The following NKAIN3 variants were observed in gnomAD, a reference collection of about 807,000 sequenced individuals.
NKAIN3 encodes the protein sodium/potassium transporting ATPase interacting 3, also known as sodium/potassium-transporting ATPase subunit beta-1-interacting protein 3.
A neutral mutation model predicts 30.2 loss-of-function variants in NKAIN3; 25 were observed. The ratio of observed to expected loss-of-function variants is 0.83; its 90% CI spans 0.60 to 1.16. The LOEUF is 1.16. NKAIN3 is among the 50% of genes most tolerant of loss of function. The pLI is 0.00. For synonymous variants in NKAIN3, 91 were observed against 89.6 expected, an observed-to-expected ratio of 1.02 and a Z score of -0.09; for missense variants, 225 against 254.1, an observed-to-expected ratio of 0.89 and a Z score of 0.78.
At chr8:62,961,519 CTG>C (rs1368076587) in intron 6 of NKAIN3, among the ~76,000 whole-genome samples, 1 of 152,068 alleles carries the variant, frequency 6.6e-6, no homozygotes, top group Non-Finnish European at 1.5e-5. Flanking sequence ...GGAAGGGAAA[CTG>C]TTATTGATTT....
At chr8:62,468,748 C>A (rs1367278616) in intron 1 of NKAIN3, among the ~76,000 whole-genome samples, 1 of 151,944 alleles carries the variant, frequency 6.6e-6, no homozygotes, top group African/African-American at 2.4e-5. Context: ...TCCTAATGTT[C>A]TTATAATTTG....
intron 4 of NKAIN3, among the ~76,000 whole-genome samples, chr8:62,867,042 G>A (rs903810508): frequency 1.2e-4 from 17 of 142,242 alleles, no homozygotes; most frequent in African/African-American, 2.9e-4. Flanking sequence ...GCGACAGAGC[G>A]AGACTCCGTC....
At chr8:62,586,499 A>G (rs1810480612) in intron 2 of NKAIN3, among the ~76,000 whole-genome samples, 1 of 152,126 alleles carries the variant, frequency 6.6e-6, no homozygotes, top group Non-Finnish European at 1.5e-5. Flanking sequence ...TTACTCTACT[A>G]AAAAATGTTA....
chr8:62,828,934 C>A (rs1184116314), intron 4 of NKAIN3, among the ~76,000 whole-genome samples: 2 of 152,108 alleles, frequency 1.3e-5, no homozygotes, highest in African/African-American at 2.4e-5. Context: ...AGTCAAACCA[C>A]CCCTGCTGAC....
At chr8:62,701,660 A>C (rs934320460) in intron 3 of NKAIN3, among the ~76,000 whole-genome samples, 8 of 152,218 alleles carry the variant, frequency 5.3e-5, no homozygotes, top group African/African-American at 1.9e-4. Context: ...GTATACAATT[A>C]CCTCAGCTAT....
At chr8:62,322,966 T>A (rs1440234125) in intron 1 of NKAIN3, among the ~76,000 whole-genome samples, 1 of 152,048 alleles carries the variant, frequency 6.6e-6, no homozygotes, top group African/African-American at 2.4e-5. Context: ...ATAATGCAAA[T>A]TAAAACAAAG....
chr8:62,380,224 G>GT (rs1563372562), intron 1 of NKAIN3, among the ~76,000 whole-genome samples: 1 of 152,164 alleles, frequency 6.6e-6, no homozygotes, highest in Non-Finnish European at 1.5e-5. Context: ...TATGAGAAGA[G>GT]TTTTAAATTA....
intron 3 of NKAIN3, among the ~76,000 whole-genome samples, chr8:62,659,637 G>A (rs1431650688): frequency 6.6e-6 from 1 of 152,128 alleles, no homozygotes; most frequent in African/African-American, 2.4e-5. Flanking sequence ...TTGCGTATAT[G>A]CTGCTTTCTG....
At chr8:62,518,367 A>C (rs1808057861) in intron 1 of NKAIN3, among the ~76,000 whole-genome samples, 1 of 152,094 alleles carries the variant, frequency 6.6e-6, no homozygotes, top group Non-Finnish European at 1.5e-5. Context: ...ACAAACAAAC[A>C]AAAAAAGATA....
intron 1 of NKAIN3, among the ~76,000 whole-genome samples, chr8:62,333,505 CAGTGCCCTTACTGGAATCTTGTAAT>C: frequency 6.6e-6 from 1 of 152,180 alleles, no homozygotes; most frequent in Non-Finnish European, 1.5e-5. Context: ...AGAAACACTG[CAGTGCCCTTACTGGAATCTTGTAAT>C]AGTCACATTT....
chr8:62,636,240 G>C (rs925332953), intron 3 of NKAIN3, among the ~76,000 whole-genome samples: 3 of 152,114 alleles, frequency 2.0e-5, no homozygotes, highest in Non-Finnish European at 2.9e-5. Context: ...CTGTGATGCA[G>C]CAATCCACAA....
At chr8:62,697,600 C>T (rs557621360) in intron 3 of NKAIN3, among the ~76,000 whole-genome samples, 1 of 152,108 alleles carries the variant, frequency 6.6e-6, no homozygotes, top group Non-Finnish European at 1.5e-5. Flanking sequence ...TCCCCTCCCC[C>T]CAACATCTAG....
chr8:62,917,249 A>G (rs1272650209), intron 4 of NKAIN3, among the ~76,000 whole-genome samples: 2 of 152,132 alleles, frequency 1.3e-5, no homozygotes, highest in Non-Finnish European at 2.9e-5. Context: ...GACTCTTCCA[A>G]GTGTGAGTTG....
intron 4 of NKAIN3, among the ~76,000 whole-genome samples, chr8:62,774,076 T>G (rs776069452): frequency 2.0e-5 from 3 of 152,224 alleles, no homozygotes; most frequent in Admixed American, 6.5e-5. Flanking sequence ...TGTCTTAAAT[T>G]TTATGCATCA....
chr8:62,655,060 G>T (rs571553387), intron 3 of NKAIN3, among the ~76,000 whole-genome samples: 38 of 152,294 alleles, frequency 2.5e-4, no homozygotes, highest in African/African-American at 8.9e-4. Flanking sequence ...AAATGCAGCT[G>T]TTGGGGATTG....
intron 3 of NKAIN3, among the ~76,000 whole-genome samples, chr8:62,724,672 A>G (rs1346697593): frequency 6.6e-6 from 1 of 152,028 alleles, no homozygotes; most frequent in East Asian, 1.9e-4. Context: ...TAACATAATG[A>G]CTTCCAGTTC....
At chr8:62,545,562 G>A (rs2129911434) in intron 1 of NKAIN3, among the ~76,000 whole-genome samples, 1 of 152,238 alleles carries the variant, frequency 6.6e-6, no homozygotes, top group African/African-American at 2.4e-5. Context: ...GAGCAAGACT[G>A]TCTAAATAAA....
At chr8:62,521,879 C>G (rs544533800) in intron 1 of NKAIN3, among the ~76,000 whole-genome samples, 1 of 152,060 alleles carries the variant, frequency 6.6e-6, no homozygotes, top group African/African-American at 2.4e-5. Flanking sequence ...ATTTCTTAGT[C>G]AAGGGAAGTC....
intron 4 of NKAIN3, among the ~76,000 whole-genome samples, chr8:62,775,395 T>C (rs1817159593): frequency 6.6e-6 from 1 of 152,100 alleles, no homozygotes; most frequent in South Asian, 2.1e-4. Flanking sequence ...TTTATTCATT[T>C]CAATTTCATT....
Sources: gnomAD v4.1 joint callset for allele counts (sites outside exome capture counted in the v4.1 genomes callset) on GRCh38, gnomAD v4.1.1 for gene constraint, MANE v1.5 for transcripts, NCBI Gene and HGNC (gene_info 2026-07-23, HGNC 2026-07-21) for gene names.